Variants in CNTN4 observed in about 807,000 individuals in gnomAD.
The protein encoded by CNTN4 is contactin-4.
In CNTN4, 77 loss-of-function variants were observed where a neutral mutation model predicts 122.5. The ratio of observed to expected loss-of-function variants is 0.63; its 90% confidence interval spans 0.52 to 0.76. The LOEUF (loss-of-function observed/expected upper bound fraction) is 0.76, where lower values mean the gene tolerates loss of function less well. Among genes scored for constraint, CNTN4 ranks in the 30% least tolerant of loss-of-function variants. The probability of loss-of-function intolerance (pLI) is 0.00; values close to 1 mark genes in which losing one functional copy is unlikely to be tolerated. For missense variants in CNTN4, 1,256 were observed against 1,259.1 expected (o/e 1.00, Z 0.04); for synonymous variants, 512 against 447.0 (o/e 1.15, Z -1.83).
At chr3:2,855,706 A>T (rs376651307) in intron 7 of CNTN4, among the ~76,000 whole-genome samples, 5 of 152,310 alleles carry the variant, frequency 3.3e-5, no homozygotes, top group African/African-American at 1.2e-4. Context: ...TTTCATCAAC[A>T]TATGTCATTT....
At chr3:2,254,116 A>G (rs1336975791) in intron 2 of CNTN4, among the ~76,000 whole-genome samples, 1 of 126,254 alleles carries the variant, frequency 7.9e-6, no homozygotes, top group Non-Finnish European at 1.5e-5. Flanking sequence ...TTCAACTCCC[A>G]CTTATGAGTG....
chr3:2,340,638 C>T (rs2044147173), intron 3 of CNTN4, among the ~76,000 whole-genome samples: 1 of 141,394 alleles, frequency 7.1e-6, no homozygotes, highest in African/African-American at 2.6e-5. Flanking sequence ...TGTTATTGCA[C>T]CACTGCACTG....
In CNTN4 at chr3:2,528,535, C is replaced by A. The variant is rs112010258; in HGVS notation, c.-88-42881C>A. 2.1e-4 allele frequency among the ~76,000 whole-genome samples: 32 copies of A among 152,098 alleles called. No individual in the cohort carries two copies. The South Asian group carries it at 6.0e-3, about 29-fold the overall frequency. ...AAAATAATTCAATCCAAGGTGAAAC[C>A]GAAACTGATTTGTCTGAGATTGTAC... On this transcript the variant is annotated intron_variant, in intron 3 of 24. Coordinates refer to ENST00000418658, the MANE Select transcript of CNTN4 (RefSeq NM_175607.3).
chr3:2,570,284 C>T (rs1360066082), intron 3 of CNTN4, among the ~76,000 whole-genome samples: 1 of 151,954 alleles, frequency 6.6e-6, no homozygotes, highest in African/African-American at 2.4e-5. Flanking sequence ...AGCAATCCTC[C>T]TGTCTTAGCC....
chr3:3,042,361 A>G lies in CNTN4; in HGVS notation c.2450A>G (p.Asp817Gly). The change falls in exon 21 of 25, where the codon GAT becomes GGT. Residue 817 changes from aspartate (D) to glycine (G), a missense_variant. Physicochemically the swap from Asp to Gly is moderately conservative, Grantham distance 94. Coordinates refer to ENST00000418658, the MANE Select transcript of CNTN4 (RefSeq NM_175607.3). ...SIFARSLSAT[D>G]IEVFWASPLE... ...TTTGCCAGAAGTCTTTCTGCCACAG[A>G]TATTGAAGTTTTCTGGGCCTCCCCA... is the stretch of plus-strand genomic sequence containing the variant. 1.9e-6 allele frequency: 3 copies of G among 1,614,136 alleles called. No individual in the cohort carries two copies. Among genetic ancestry groups the G allele is most frequent in the Non-Finnish European group, 2.5e-6 (3 of 1,180,000 alleles).
At chr3:2,876,000 T>A (rs2093840277) in intron 8 of CNTN4, among the ~76,000 whole-genome samples, 1 of 152,220 alleles carries the variant, frequency 6.6e-6, no homozygotes, top group African/African-American at 2.4e-5. Flanking sequence ...GACAGTCTTC[T>A]TGAAAAAGGT....
intron 2 of CNTN4, among the ~76,000 whole-genome samples, chr3:2,299,723 A>G (rs2042437404): frequency 6.6e-6 from 1 of 152,168 alleles, no homozygotes; most frequent in South Asian, 2.1e-4. Flanking sequence ...TTTGTGTTTA[A>G]AAACTTGATT....
intron 6 of CNTN4, among the ~76,000 whole-genome samples, chr3:2,750,685 A>G (rs4594606): frequency 0.87 from 131,678 of 152,142 alleles, 58,337 homozygotes; most frequent in Non-Finnish European, 0.97. Context: ...CACTTAGCCT[A>G]CTACCATACC....
chr3:2,182,432 T>C (rs2037057863), intron 2 of CNTN4, among the ~76,000 whole-genome samples: 1 of 151,828 alleles, frequency 6.6e-6, no homozygotes, highest in Admixed American at 6.6e-5. Context: ...TAGTTGTAGC[T>C]TATTTCTTCA....
At chr3:2,502,173 A>C (rs2076611864) in intron 3 of CNTN4, among the ~76,000 whole-genome samples, 1 of 152,040 alleles carries the variant, frequency 6.6e-6, no homozygotes, top group Admixed American at 6.6e-5. Context: ...GATTCTGGGG[A>C]TTAGGACTTG....
At chr3:3,034,917 T>C in intron 17 of CNTN4, 127 bp downstream of exon 17, 1 of 1,049,386 alleles carries the variant, frequency 9.5e-7, no homozygotes, top group South Asian at 1.3e-5. Context: ...CAGTGTTTCC[T>C]AAACCTCGGC....
intron 6 of CNTN4, among the ~76,000 whole-genome samples, chr3:2,756,515 T>C (rs1576674119): frequency 1.3e-5 from 2 of 152,352 alleles, no homozygotes; most frequent in South Asian, 4.1e-4. Context: ...CAGTCTATTG[T>C]GTTATAGCAG....
At chr3:2,963,222 C>T (rs2094879713) in intron 13 of CNTN4, among the ~76,000 whole-genome samples, 3 of 152,178 alleles carry the variant, frequency 2.0e-5, no homozygotes, top group Admixed American at 1.3e-4. Flanking sequence ...CACTCTTCTA[C>T]TTTCTGTTAT....
At chr3:2,113,863 T>C (rs1020110971) in intron 2 of CNTN4, among the ~76,000 whole-genome samples, 1 of 152,210 alleles carries the variant, frequency 6.6e-6, no homozygotes. Context: ...TTCTTCCTTA[T>C]GCTGAAGATC....
chr3:3,032,686 A>G (rs1223297477), intron 16 of CNTN4, among the ~76,000 whole-genome samples: 1 of 152,184 alleles, frequency 6.6e-6, no homozygotes, highest in Non-Finnish European at 1.5e-5. Context: ...TTTAACCTAT[A>G]GCACTGTAAT....
At chr3:2,827,491 G>T (rs1470954235) in intron 7 of CNTN4, among the ~76,000 whole-genome samples, 1 of 152,170 alleles carries the variant, frequency 6.6e-6, no homozygotes, top group Non-Finnish European at 1.5e-5. Flanking sequence ...CTCATCTTTG[G>T]AGATATGTGA....
chr3:3,044,097 T>A (rs1700403264), intron 23 of CNTN4, among the ~76,000 whole-genome samples: 1 of 152,130 alleles, frequency 6.6e-6, no homozygotes, highest in East Asian at 1.9e-4. Flanking sequence ...TTTTTGTTCG[T>A]ATGTTTCTAT....
chr3:3,050,212 A>G (rs1444908230), intron 23 of CNTN4, among the ~76,000 whole-genome samples: 2 of 152,164 alleles, frequency 1.3e-5, no homozygotes, highest in Admixed American at 1.3e-4. Flanking sequence ...CAGTGTGGCC[A>G]TATCTTCCAG....
At chr3:2,502,147 G>A (rs1456446286) in intron 3 of CNTN4, among the ~76,000 whole-genome samples, 1 of 152,120 alleles carries the variant, frequency 6.6e-6, no homozygotes, top group East Asian at 1.9e-4. Flanking sequence ...GATACTCAAT[G>A]TATAATATAT....
Sources: allele counts gnomAD v4.1 joint callset (sites outside exome capture counted in the v4.1 genomes callset), GRCh38; gene constraint gnomAD v4.1.1; transcripts MANE v1.5; gene names NCBI Gene and HGNC (gene_info 2026-07-23, HGNC 2026-07-21).